Variants in TLE4 observed in about 807,000 individuals in gnomAD.
TLE4 encodes the protein TLE family member 4, transcriptional corepressor, also known as transducin-like enhancer protein 4.
In TLE4, 8 loss-of-function variants were observed where a neutral mutation model predicts 92.8. That is an observed-to-expected ratio of 0.09 (90% CI 0.05 to 0.16). The LOEUF is 0.16. Ranked by LOEUF, TLE4 falls within the 10% of genes least tolerant of loss-of-function variation. TLE4 has a pLI of 1.00. For synonymous variants in TLE4, 371 were observed against 374.1 expected (o/e 0.99, Z 0.10); for missense variants, 675 against 997.6 (o/e 0.68, Z 4.36).
intron 8 of TLE4, among the ~76,000 whole-genome samples, chr9:79,678,807 T>G (rs1039380944): frequency 2.0e-5 from 3 of 151,182 alleles, no homozygotes; most frequent in Non-Finnish European, 2.9e-5. Flanking sequence ...GAGTATGATG[T>G]TCCCCTTCCT....
At chr9:79,674,366 A>G (rs534334775) in intron 8 of TLE4, among the ~76,000 whole-genome samples, 1 of 152,270 alleles carries the variant, frequency 6.6e-6, no homozygotes, top group South Asian at 2.1e-4. Context: ...TTCACCCAGA[A>G]CATAAGTGAT....
chr9:79,624,875 G>A (rs979435858), intron 5 of TLE4, among the ~76,000 whole-genome samples: 2 of 152,188 alleles, frequency 1.3e-5, no homozygotes, highest in African/African-American at 2.4e-5. Context: ...GGGAGAATTG[G>A]TAGAGTAAGA....
At chr9:79,692,786 T>G (rs1159266925) in intron 8 of TLE4, among the ~76,000 whole-genome samples, 1 of 152,198 alleles carries the variant, frequency 6.6e-6, no homozygotes, top group Non-Finnish European at 1.5e-5. Flanking sequence ...ATCTTATTTC[T>G]GAGGCTCTAC....
At chr9:79,678,618 C>CTT (rs55743621) in intron 8 of TLE4, among the ~76,000 whole-genome samples, 53 of 148,722 alleles carry the variant, frequency 3.6e-4, no homozygotes, top group Non-Finnish European at 4.8e-4. Context: ...TATTGTTTTT[C>CTT]TTTTTTTTTT....
At position 79,720,227 on chromosome 9, in the gene TLE4, T is replaced by C; in HGVS notation, c.1772T>C (p.Val591Ala). 6.2e-7 allele frequency: 1 copy of C among 1,614,198 alleles called. No individual in the cohort carries two copies. Among genetic ancestry groups the C allele is most frequent in the South Asian group, 1.1e-5 (1 of 91,088 alleles). The change falls in exon 16 of 20, where the codon GTC becomes GCC. Residue 591 changes from valine to alanine, a missense_variant. Val to Ala is a moderately conservative substitution (Grantham distance 64). Around this residue, in one of 5 missense-constraint regions of TLE4, gnomAD observed 170 missense variants for 359.6 expected, o/e 0.47. Coordinates refer to ENST00000376552, the MANE Select transcript of TLE4 (RefSeq NM_007005.6). ...YALAISPDSK[V>A]CFSCCSDGNI... ...CTGGCCATCAGCCCCGATTCCAAGG[T>C]CTGCTTCTCATGCTGCAGCGACGGC...
In TLE4 at chr9:79,726,389, T is replaced by G. The variant is rs2136347884; in HGVS notation, c.*1245T>G. ...TCTTTTAAGTCTGTGGATCTGCTGA[T>G]GTACAGTGCCTTTGCTGCTATGGAT... On this transcript the variant is annotated 3_prime_UTR_variant, in exon 20 of 20. Transcript: ENST00000376552. 1 of 152,806 alleles carries G rather than the reference T, an allele frequency of 6.5e-6. No homozygotes were observed. The allele number at this position is 152,806 out of a possible 1,614,324, so 9.5% of individuals were successfully genotyped here.
At chr9:79,603,135 A>G (rs1374164316) in intron 4 of TLE4, among the ~76,000 whole-genome samples, 1 of 152,210 alleles carries the variant, frequency 6.6e-6, no homozygotes, top group Non-Finnish European at 1.5e-5. Flanking sequence ...TCTGGTGAAG[A>G]TGCTGTGAAC....
chr9:79,599,426 C>T (rs1397666724), intron 4 of TLE4, among the ~76,000 whole-genome samples: 1 of 152,134 alleles, frequency 6.6e-6, no homozygotes, highest in Non-Finnish European at 1.5e-5. Context: ...GGAGTGAGGC[C>T]TGGGTGTGGG....
At chr9:79,705,981 G>T in intron 10 of TLE4, 39 bp downstream of exon 10, 2 of 1,593,382 alleles carry the variant, frequency 1.3e-6, no homozygotes, top group Non-Finnish European at 1.7e-6. Flanking sequence ...CACTTGCCCA[G>T]CCATATCAAA....
At position 79,585,313 on chromosome 9, in the gene TLE4, G is replaced by T. The variant is rs866690001; in HGVS notation, c.252+9136G>T. Among the ~76,000 whole-genome samples, 4 of 152,170 alleles carry T rather than the reference G, an allele frequency of 2.6e-5. No individual in the cohort carries two copies. In the East Asian group the frequency reaches 5.8e-4, roughly 22 times the overall value. ...GAGACACAGAGAGCTTAAATAGCTT[G>T]CTTGAAATCAGCTAGCCGGTAAAAT... On this transcript the variant is annotated intron_variant, in intron 4 of 19. Coordinates refer to ENST00000376552, the MANE Select transcript of TLE4 (RefSeq NM_007005.6).
rs368719390 is a variant in TLE4 at position 79,679,239 on chromosome 9, T to C, written c.609+25164T>C. On this transcript the variant is annotated intron_variant, in intron 8 of 19. Transcript: ENST00000376552. The stretch of plus-strand genomic sequence containing the variant: ...TTGAACTAGTTTACAGTCCCACCAA[T>C]AGTGTAAAAGTGTTCCTATTTCTCC... 1.5e-3 allele frequency among the ~76,000 whole-genome samples: 232 copies of C among 152,160 alleles called. No homozygotes were observed. The Middle Eastern group carries it at 0.02, about 13-fold the overall frequency.
chr9:79,616,495 C>G (rs2049651215), intron 5 of TLE4, among the ~76,000 whole-genome samples: 1 of 152,126 alleles, frequency 6.6e-6, no homozygotes, highest in African/African-American at 2.4e-5. Context: ...AACCAGCCCT[C>G]CCTCCCTTTT....
chr9:79,692,601 G>A (rs1228144050), intron 8 of TLE4, among the ~76,000 whole-genome samples: 4 of 152,160 alleles, frequency 2.6e-5, no homozygotes, highest in Non-Finnish European at 5.9e-5. Flanking sequence ...ACCATAAACT[G>A]GGTAGCTTAA....
intron 4 of TLE4, among the ~76,000 whole-genome samples, chr9:79,582,035 T>C (rs927517748): frequency 1.3e-5 from 2 of 152,172 alleles, no homozygotes; most frequent in Non-Finnish European, 2.9e-5. Context: ...TACAAACTTG[T>C]TCTTCTCTTT....
Position 79,673,138 on chromosome 9 carries a change from G to A in TLE4, c.609+19063G>A, listed in dbSNP as rs977196742. On this transcript the variant is annotated intron_variant, in intron 8 of 19. Transcript: ENST00000376552. Reference sequence around the variant, plus strand: ...CTTTCAGGAACGTGGAGGATACATCGCTGAAATATTCAGAATAAATATCAG... The same window carrying A: ...CTTTCAGGAACGTGGAGGATACATCACTGAAATATTCAGAATAAATATCAG... Among the ~76,000 whole-genome samples, 5 of 152,084 alleles carry A rather than the reference G, an allele frequency of 3.3e-5. No individual in the cohort carries two copies. In the South Asian group the frequency reaches 8.3e-4, roughly 25 times the overall value.
At chr9:79,613,522 A>G (rs778077159) in intron 5 of TLE4, among the ~76,000 whole-genome samples, 2 of 152,142 alleles carry the variant, frequency 1.3e-5, no homozygotes, top group Non-Finnish European at 2.9e-5. Context: ...CTTCTGGATT[A>G]CTGAATGCCT....
chr9:79,678,160 C>CATCT (rs2063642240), intron 8 of TLE4, among the ~76,000 whole-genome samples: 1 of 152,048 alleles, frequency 6.6e-6, no homozygotes, highest in Non-Finnish European at 1.5e-5. Context: ...CCTCATCAAG[C>CATCT]ATCTAGATGC....
At chr9:79,574,447 G>A (rs1037382260) in intron 2 of TLE4, among the ~76,000 whole-genome samples, 3 of 152,156 alleles carry the variant, frequency 2.0e-5, no homozygotes, top group Non-Finnish European at 4.4e-5. Context: ...CATAAGACAT[G>A]CTTGATTCAT....
At chr9:79,666,616 T>C (rs1282103746) in intron 8 of TLE4, among the ~76,000 whole-genome samples, 1 of 152,268 alleles carries the variant, frequency 6.6e-6, no homozygotes, top group Non-Finnish European at 1.5e-5. Flanking sequence ...CCATAATTCT[T>C]GAATTTTATT....
Sources: allele counts gnomAD v4.1 joint callset (sites outside exome capture counted in the v4.1 genomes callset), GRCh38; gene constraint gnomAD v4.1.1; regional missense constraint gnomAD v4.1.1; transcripts MANE v1.5; gene names NCBI Gene and HGNC (gene_info 2026-07-23, HGNC 2026-07-21).